Variants in KANSL1 observed in about 807,000 individuals in gnomAD.
KANSL1 encodes the protein KAT8 regulatory NSL complex subunit 1, also known as MLL1/MLL complex subunit KANSL1.
KANSL1 carries 22 observed loss-of-function variants against 103.6 expected under a neutral mutation model. The observed-to-expected ratio is 0.21, with a 90% CI of 0.15 to 0.30. KANSL1 has a LOEUF of 0.30. Ranked by LOEUF, KANSL1 falls within the 10% of genes least tolerant of loss-of-function variation. The probability of loss-of-function intolerance (pLI) is 1.00; values close to 1 mark genes in which losing one functional copy is unlikely to be tolerated. For synonymous variants in KANSL1, 600 were observed against 527.6 expected (o/e 1.14, Z -1.88); for missense variants, 1,337 against 1,399.8 (o/e 0.96, Z 0.72).
At chr17:46,106,455 C>T (rs1008261134) in intron 2 of KANSL1, among the ~76,000 whole-genome samples, 3 of 152,118 alleles carry the variant, frequency 2.0e-5, no homozygotes, top group Non-Finnish European at 2.9e-5. Flanking sequence ...TACAGTGGTG[C>T]GATCTCGGCT....
intron 2 of KANSL1, 128 bp downstream of exon 2, chr17:46,170,727 A>C (rs938808626): frequency 1.9e-6 from 2 of 1,077,204 alleles, no homozygotes; most frequent in Non-Finnish European, 2.7e-6. Flanking sequence ...ACCCAACATC[A>C]GGGAAAAAAC....
chr17:46,177,777 ATTCT>A (rs1192076167), intron 1 of KANSL1, among the ~76,000 whole-genome samples: 1 of 150,858 alleles, frequency 6.6e-6, no homozygotes, highest in South Asian at 2.1e-4. Context: ...TCACAGTAAC[ATTCT>A]TTTTTTTTTT....
chr17:46,145,500 C>A (rs1204484025), intron 2 of KANSL1, among the ~76,000 whole-genome samples: 1 of 152,240 alleles, frequency 6.6e-6, no homozygotes, highest in Non-Finnish European at 1.5e-5. Context: ...CCTGAAAACA[C>A]TGTTGTGCTA....
chr17:46,183,934 GAGT>G, intron 1 of KANSL1, among the ~76,000 whole-genome samples: 1 of 152,218 alleles, frequency 6.6e-6, no homozygotes, highest in Non-Finnish European at 1.5e-5. Context: ...AGAAAGAAAT[GAGT>G]AGAATTCAGC....
chr17:46,031,890 T>C, intron 14 of KANSL1, 157 bp downstream of exon 14: 2 of 1,147,168 alleles, frequency 1.7e-6, no homozygotes, highest in Non-Finnish European at 2.5e-6. Context: ...CAGTGATCAA[T>C]ACAGTTCCAC....
intron 1 of KANSL1, among the ~76,000 whole-genome samples, chr17:46,178,428 G>A (rs2046631982): frequency 6.6e-6 from 1 of 152,318 alleles, no homozygotes; most frequent in Non-Finnish European, 1.5e-5. Flanking sequence ...AAGTCAGACT[G>A]TACATTCAGA....
At chr17:46,086,455 C>T (rs368772328) in intron 3 of KANSL1, among the ~76,000 whole-genome samples, 15 of 152,158 alleles carry the variant, frequency 9.9e-5, no homozygotes, top group African/African-American at 2.7e-4. Flanking sequence ...ATCATTTATC[C>T]GCTCATCAGC....
chr17:46,190,042 A>C (rs928271908), intron 1 of KANSL1, among the ~76,000 whole-genome samples: 2 of 152,242 alleles, frequency 1.3e-5, no homozygotes, highest in African/African-American at 4.8e-5. Flanking sequence ...TTTACAGAGT[A>C]CACAAATCAG....
chr17:46,148,630 A>C (rs990354229), intron 2 of KANSL1, among the ~76,000 whole-genome samples: 5 of 149,898 alleles, frequency 3.3e-5, no homozygotes, highest in Non-Finnish European at 5.9e-5. Flanking sequence ...TCTGTCGCCC[A>C]GGCTGAAGTA....
chr17:46,049,149 A>G (rs1488709807), intron 7 of KANSL1, among the ~76,000 whole-genome samples: 1 of 151,288 alleles, frequency 6.6e-6, no homozygotes, highest in Non-Finnish European at 1.5e-5. Context: ...AAAATTCAAA[A>G]CTTTTTTGCT....
intron 2 of KANSL1, among the ~76,000 whole-genome samples, chr17:46,152,333 C>T (rs990938410): frequency 7.2e-5 from 11 of 152,042 alleles, no homozygotes; most frequent in East Asian, 3.8e-4. Context: ...CTTAAAACAA[C>T]GTATTTCAGA....
chr17:46,117,119 C>T (rs1186514176), intron 2 of KANSL1, among the ~76,000 whole-genome samples: 1 of 152,148 alleles, frequency 6.6e-6, no homozygotes, highest in Non-Finnish European at 1.5e-5. Flanking sequence ...AGCTTGTGAC[C>T]ACTTTGGTCA....
intron 1 of KANSL1, among the ~76,000 whole-genome samples, chr17:46,203,942 G>A (rs2696449): frequency 0.12 from 18,576 of 149,996 alleles, 22 homozygotes; most frequent in Middle Eastern, 0.19. Context: ...TTGGGAGGCT[G>A]AGGTGGAGAG....
chr17:46,136,646 G>C (rs1240837917), intron 2 of KANSL1, among the ~76,000 whole-genome samples: 6 of 152,052 alleles, frequency 3.9e-5, no homozygotes, highest in Non-Finnish European at 8.8e-5. Context: ...ACCCCACCTA[G>C]GTTCCACGTT....
intron 10 of KANSL1, chr17:46,035,973 A>C (rs1379999051): frequency 6.6e-6 from 1 of 152,116 alleles, no homozygotes; most frequent in Non-Finnish European, 1.5e-5. Context: ...GATGAGAATA[A>C]AACTGGTTCC....
chr17:46,198,422 TAAAAAAAA>T (rs58312564), upstream of KANSL1, among the ~76,000 whole-genome samples: 1,797 of 96,080 alleles, frequency 0.019, 52 homozygotes, highest in African/African-American at 0.079. Flanking sequence ...CTACTTTAAT[TAAAAAAAA>T]AAAAAAAAAA....
chr17:46,156,221 C>T (rs2045420453), intron 2 of KANSL1, among the ~76,000 whole-genome samples: 1 of 152,196 alleles, frequency 6.6e-6, no homozygotes, highest in Non-Finnish European at 1.5e-5. Context: ...GTAGTTCATG[C>T]CTGTAATCCC....
At chr17:46,134,290 G>T (rs2044011955) in intron 2 of KANSL1, among the ~76,000 whole-genome samples, 1 of 152,112 alleles carries the variant, frequency 6.6e-6, no homozygotes, top group African/African-American at 2.4e-5. Context: ...CCAGCTACTG[G>T]GGAGGCTGAG....
chr17:46,162,872 C>T (rs182812161), intron 2 of KANSL1, among the ~76,000 whole-genome samples: 131 of 152,344 alleles, frequency 8.6e-4, no homozygotes, highest in Non-Finnish European at 1.6e-3. Flanking sequence ...CTATACTTTG[C>T]TCTGTTCTTT....
Sources: gnomAD v4.1 joint callset for allele counts (sites outside exome capture counted in the v4.1 genomes callset) on GRCh38, gnomAD v4.1.1 for gene constraint, MANE v1.5 for transcripts, NCBI Gene and HGNC (gene_info 2026-07-23, HGNC 2026-07-21) for gene names.